XIAP: variants seen among roughly 807,000 people sequenced by gnomAD.
XIAP encodes E3 ubiquitin-protein ligase XIAP.
Under a neutral mutation model 33.1 loss-of-function variants are expected in XIAP, and 3 were observed. That is an observed-to-expected ratio of 0.09 (90% CI 0.04 to 0.23). XIAP has a LOEUF of 0.23. Ranked by LOEUF, XIAP falls within the 10% of genes least tolerant of loss-of-function variation. XIAP has a pLI of 1.00. For missense variants in XIAP, 264 were observed against 363.0 expected, an observed-to-expected ratio of 0.73 and a Z score of 2.22; for synonymous variants, 98 against 121.3, an observed-to-expected ratio of 0.81 and a Z score of 1.26.
At position 123,909,277 on chromosome X, in the gene XIAP, C is replaced by T. The variant is rs1400326246; in HGVS notation, c.*2096C>T. On this transcript the variant is annotated 3_prime_UTR_variant, in exon 7 of 7. Coordinates refer to ENST00000371199, the MANE Select transcript of XIAP (RefSeq NM_001167.4). ...AACTCCTGACCTCAAGAGATCCACT[C>T]GCCTTGCCCTCCCAAAGTGCTGGGA... 36 of 325,833 alleles carry T rather than the reference C, an allele frequency of 1.1e-4. No individual in the cohort carries two copies. The highest frequency in any genetic ancestry group is 1.8e-4 in the Non-Finnish European group (31 of 168,897). The allele number at this position is 325,833 out of a possible 1,213,427, so 26.9% of individuals were successfully genotyped here.
At chrX:123,876,628 C>T (rs191020164) in intron 1 of XIAP, among the ~76,000 whole-genome samples, 1 of 110,597 alleles carries the variant, frequency 9.0e-6, no homozygotes, top group East Asian at 2.8e-4. Flanking sequence ...TTGCTTCAGC[C>T]CAGGAGGTCG....
intron 3 of XIAP, 32 bp downstream of exon 3, chrX:123,888,750 A>G: frequency 8.7e-7 from 1 of 1,151,269 alleles, no homozygotes. Context: ...TGTACAGGCA[A>G]GTTGGATAGC....
At chrX:123,894,860 C>T (rs1206670834) in intron 5 of XIAP, among the ~76,000 whole-genome samples, 1 of 110,445 alleles carries the variant, frequency 9.1e-6, no homozygotes, top group African/African-American at 3.3e-5. Context: ...ATAAAAATTT[C>T]TTGAACCTGG....
At position 123,911,962 on chromosome X, in the gene XIAP, A is replaced by G. The variant is rs2053606508; in HGVS notation, c.*4781A>G. ...AGGTGATGTAATTTGTGCAAAGATT[A>G]TAGCTAATTAGTAGCAGAGCCCTGA... is the stretch of plus-strand genomic sequence containing the variant. On this transcript the variant is annotated 3_prime_UTR_variant, in exon 7 of 7. Transcript: ENST00000371199. 9.2e-6 allele frequency: 3 copies of G among 327,093 alleles called. No individual in the cohort carries two copies. Among genetic ancestry groups the G allele is most frequent in the South Asian group, 7.8e-5 (3 of 38,334 alleles). 27.0% of individuals were successfully genotyped at this position (327,093 alleles called of 1,213,427 possible).
intron 5 of XIAP, among the ~76,000 whole-genome samples, chrX:123,895,498 CTATATT>C (rs55700607): frequency 0.17 from 18,680 of 110,952 alleles, 1,257 homozygotes; most frequent in South Asian, 0.38. Context: ...TGTGGTTATT[CTATATT>C]TAACCTTTTG....
At chrX:123,894,945 A>G (rs2053445575) in intron 5 of XIAP, among the ~76,000 whole-genome samples, 1 of 78,820 alleles carries the variant, frequency 1.3e-5, no homozygotes, top group African/African-American at 5.4e-5. Context: ...TTCTATCTCA[A>G]ACATAAATAA....
Position 123,908,903 on chromosome X carries a change from A to G in XIAP, c.*1722A>G, listed in dbSNP as rs1432805162. 5 of 350,027 alleles carry G rather than the reference A, an allele frequency of 1.4e-5. No individual in the cohort carries two copies. Among genetic ancestry groups the G allele is most frequent in the Non-Finnish European group, 2.7e-5 (5 of 183,389 alleles). 28.8% of individuals were successfully genotyped at this position (350,027 alleles called of 1,213,427 possible). A position where few individuals can be genotyped will look rare whatever the true frequency, so the allele number is the denominator to read the frequency against. On this transcript the variant is annotated 3_prime_UTR_variant, in exon 7 of 7. Transcript: ENST00000371199. ...ATGTTACTACAGAGGAAAGTTTGAG[A>G]GTAAAACTGTAAAAAATTATATTTT...
At chrX:123,896,700 C>T (rs1334169086) in intron 5 of XIAP, among the ~76,000 whole-genome samples, 1 of 108,275 alleles carries the variant, frequency 9.2e-6, no homozygotes, top group Non-Finnish European at 1.9e-5. Context: ...CCTTCCTTAG[C>T]CTCCAGAGTA....
intron 1 of XIAP, among the ~76,000 whole-genome samples, chrX:123,884,749 A>C: frequency 9.0e-6 from 1 of 111,306 alleles, no homozygotes; most frequent in East Asian, 2.8e-4. Context: ...AGGATAAATT[A>C]TCTTTCTAAT....
At chrX:123,868,372 A>G (rs2053163755) in intron 1 of XIAP, among the ~76,000 whole-genome samples, 1 of 111,320 alleles carries the variant, frequency 9.0e-6, no homozygotes, top group Non-Finnish European at 1.9e-5. Context: ...CCAACGATTC[A>G]AAACCCATTA....
In XIAP at chrX:123,869,281, G is replaced by A. The variant is rs184024432; in HGVS notation, c.-33+8988G>A. Among the ~76,000 whole-genome samples the A allele has an allele frequency of 3.2e-3, 325 of 102,980 alleles. 2 individuals carry two copies. Among genetic ancestry groups the A allele is most frequent in the African/African-American group, 0.011 (304 of 27,913 alleles). The allele number at this position is 102,980 out of a possible 115,157, so 89.4% of individuals were successfully genotyped here. On this transcript the variant is annotated intron_variant, in intron 1 of 6. Transcript: ENST00000371199. ...TGAAATCCCAGCACTTTGGGTGGCC[G>A]AGGCAGGTGGATCACTTGAGGTCAG...
chrX:123,861,430 C>T (rs183779165), intron 1 of XIAP, among the ~76,000 whole-genome samples: 38 of 110,453 alleles, frequency 3.4e-4, no homozygotes, highest in East Asian at 1.1e-3. Flanking sequence ...TTGAGATTCC[C>T]CCCCACCCCC....
chrX:123,864,525 A>G (rs2053111903), intron 1 of XIAP, among the ~76,000 whole-genome samples: 1 of 85,786 alleles, frequency 1.2e-5, no homozygotes, highest in African/African-American at 4.8e-5. Flanking sequence ...GGAGTGCAGT[A>G]GCGCGATCTT....
chrX:123,906,638 C>T (rs1183164058), intron 6 of XIAP, among the ~76,000 whole-genome samples: 2 of 111,950 alleles, frequency 1.8e-5, no homozygotes, highest in Non-Finnish European at 3.8e-5. Context: ...TTAAATGTCA[C>T]TCCTCCACTT....
intron 1 of XIAP, among the ~76,000 whole-genome samples, chrX:123,870,942 G>A (rs771951939): frequency 6.4e-5 from 7 of 110,054 alleles, no homozygotes; most frequent in South Asian, 3.8e-4. Context: ...TTGTGTGTGC[G>A]TGTGTGTGTG....
Position 123,907,428 on chromosome X carries a change from A to G in XIAP, c.*247A>G, listed in dbSNP as rs1415823033. On this transcript the variant is annotated 3_prime_UTR_variant, in exon 7 of 7. Transcript: ENST00000371199. ...AAACCATAGACTAAGAATAAGAAGC[A>G]TCATACTATAACTGAACACAATGTG... 1 of 452,993 alleles carries G rather than the reference A, an allele frequency of 2.2e-6. No individual in the cohort carries two copies. Among genetic ancestry groups the G allele is most frequent in the East Asian group, 4.1e-5 (1 of 24,231 alleles). The allele number at this position is 452,993 out of a possible 1,213,427, so 37.3% of individuals were successfully genotyped here. A position where few individuals can be genotyped will look rare whatever the true frequency, so the allele number is the denominator to read the frequency against.
At chrX:123,906,813 T>A (rs17334739) in intron 6 of XIAP, among the ~76,000 whole-genome samples, 175 bp from the exon 7 acceptor site, 2 of 111,416 alleles carry the variant, frequency 1.8e-5, no homozygotes, top group African/African-American at 6.5e-5. Flanking sequence ...TCATCTTACA[T>A]CCTCTCCCAC....
intron 1 of XIAP, among the ~76,000 whole-genome samples, chrX:123,884,503 T>C (rs1208129271): frequency 9.1e-6 from 1 of 110,386 alleles, no homozygotes; most frequent in Admixed American, 9.8e-5. Flanking sequence ...AAAAATCAAT[T>C]AATGCACGCA....
At chrX:123,865,834 A>C (rs1444539090) in intron 1 of XIAP, among the ~76,000 whole-genome samples, 4 of 111,441 alleles carry the variant, frequency 3.6e-5, no homozygotes, top group African/African-American at 1.3e-4. Flanking sequence ...AGCTCACTGC[A>C]ACCTCCACCT....
Sources: allele counts gnomAD v4.1 joint callset (sites outside exome capture counted in the v4.1 genomes callset), GRCh38; gene constraint gnomAD v4.1.1; transcripts MANE v1.5; gene names NCBI Gene and HGNC (gene_info 2026-07-23, HGNC 2026-07-21).